The following ARHGAP44 variants were observed in gnomAD, a reference collection of about 807,000 sequenced individuals.
ARHGAP44 encodes Rho GTPase activating protein 44.
In ARHGAP44, 43 loss-of-function variants were observed where a neutral mutation model predicts 106.8. That is an observed-to-expected ratio of 0.40 (90% CI 0.32 to 0.52). ARHGAP44 has a LOEUF of 0.52. ARHGAP44 is among the 20% of genes least tolerant of loss of function. The pLI, the probability that ARHGAP44 is intolerant of heterozygous loss-of-function variation, is 0.48. For missense variants in ARHGAP44, 866 were observed against 1,050.5 expected, an observed-to-expected ratio of 0.82 and a Z score of 2.43; for synonymous variants, 439 against 410.3, an observed-to-expected ratio of 1.07 and a Z score of -0.85.
At chr17:12,940,997 C>G in intron 7 of ARHGAP44, 59 bp from the exon 8 acceptor site, 1 of 1,447,046 alleles carries the variant, frequency 6.9e-7, no homozygotes, top group East Asian at 2.3e-5. Flanking sequence ...TTGACTTATG[C>G]ATTAGCCACT....
rs34745789 is a variant in ARHGAP44 at position 12,932,710 on chromosome 17, CT to C, written c.582+3676del. Among the ~76,000 whole-genome samples the C allele has an allele frequency of 5.6e-3, 801 of 142,848 alleles. 7 individuals are homozygous for C. Among genetic ancestry groups the C allele is most frequent in the African/African-American group, 0.016 (639 of 39,342 alleles). The allele number at this position is 142,848 out of a possible 152,430, so 93.7% of individuals were successfully genotyped here. On this transcript the variant is annotated intron_variant, in intron 7 of 20. Transcript: ENST00000379672. ...ATGTGAGGTAGGGGTTTCTTTCTTTCTTTTTTTTTTTTCCAGATAGATAGTC... is the reference window on the plus strand; with the variant it reads ...ATGTGAGGTAGGGGTTTCTTTCTTTCTTTTTTTTTTTCCAGATAGATAGTC...
intron 1 of ARHGAP44, among the ~76,000 whole-genome samples, chr17:12,807,169 A>G (rs149886975): frequency 6.6e-6 from 1 of 152,340 alleles, no homozygotes; most frequent in African/African-American, 2.4e-5. Flanking sequence ...TATGTGCATT[A>G]ATACACATAA....
intron 1 of ARHGAP44, among the ~76,000 whole-genome samples, chr17:12,812,341 G>A (rs1432389378): frequency 6.6e-6 from 1 of 152,122 alleles, no homozygotes; most frequent in Non-Finnish European, 1.5e-5. Flanking sequence ...GTTGGACTTC[G>A]GAAGGACGCA....
intron 8 of ARHGAP44, among the ~76,000 whole-genome samples, chr17:12,941,988 G>A (rs2038723130): frequency 6.6e-6 from 1 of 152,144 alleles, no homozygotes; most frequent in African/African-American, 2.4e-5. Flanking sequence ...AAGAAATTCT[G>A]CAAAGTTTAA....
chr17:12,828,587 A>G (rs1184814721), intron 1 of ARHGAP44, among the ~76,000 whole-genome samples: 1 of 151,200 alleles, frequency 6.6e-6, no homozygotes. Flanking sequence ...TTAAAAATAT[A>G]AAGTTGGGTT....
chr17:12,897,008 G>A (rs910602852), intron 3 of ARHGAP44, among the ~76,000 whole-genome samples: 9 of 152,136 alleles, frequency 5.9e-5, no homozygotes, highest in Non-Finnish European at 1.5e-5. Flanking sequence ...GCTAAATAAA[G>A]CTTCTCTAAT....
chr17:12,954,067 T>G (rs1196435172), intron 13 of ARHGAP44, among the ~76,000 whole-genome samples: 4 of 151,468 alleles, frequency 2.6e-5, no homozygotes, highest in Admixed American at 6.6e-5. Context: ...TTTGTGTTTT[T>G]TTTTTTTTTT....
chr17:12,952,908 A>T (rs574633452), intron 13 of ARHGAP44, among the ~76,000 whole-genome samples: 32 of 151,916 alleles, frequency 2.1e-4, no homozygotes, highest in Admixed American at 1.7e-3. Context: ...GTGTGGTGGC[A>T]CCACCACAGG....
chr17:12,983,339 T>C (rs2143434967), intron 19 of ARHGAP44, among the ~76,000 whole-genome samples: 1 of 150,098 alleles, frequency 6.7e-6, no homozygotes, highest in South Asian at 2.1e-4. Flanking sequence ...AGGTTAGTGA[T>C]CACTCTCTCA....
At chr17:12,891,940 TGC>T (rs1315257221) in intron 1 of ARHGAP44, among the ~76,000 whole-genome samples, 1 of 151,390 alleles carries the variant, frequency 6.6e-6, no homozygotes, top group Non-Finnish European at 1.5e-5. Context: ...GGATTGCAGG[TGC>T]GCACCACCAC....
chr17:12,931,991 A>G (rs948406747), intron 7 of ARHGAP44, among the ~76,000 whole-genome samples: 1 of 152,114 alleles, frequency 6.6e-6, no homozygotes, highest in Non-Finnish European at 1.5e-5. Flanking sequence ...ACTTATATGT[A>G]TATCCTTATA....
At chr17:12,989,093 A>AC (rs1555569140) in intron 20 of ARHGAP44, among the ~76,000 whole-genome samples, 738 of 52,052 alleles carry the variant, frequency 0.014, 13 homozygotes, top group East Asian at 0.062. Flanking sequence ...GCGAAACTCC[A>AC]CCCCCCCCAA....
At position 12,843,442 on chromosome 17, in the gene ARHGAP44, G is replaced by T. The variant is rs956027788; in HGVS notation, c.54-51498G>T. Among the ~76,000 whole-genome samples the T allele has an allele frequency of 7.2e-5, 11 of 152,084 alleles. No homozygotes were observed. In the East Asian group the frequency reaches 1.4e-3, roughly 19 times the overall value. ...TTTTCCCTTTGTATCTTTAAGCATG[G>T]TTTTAGACAGCTGCCCTAAAATTCT... On this transcript the variant is annotated intron_variant, in intron 1 of 20. Coordinates refer to ENST00000379672, the MANE Select transcript of ARHGAP44 (RefSeq NM_014859.6).
intron 1 of ARHGAP44, among the ~76,000 whole-genome samples, chr17:12,856,044 C>G (rs577740220): frequency 1.3e-5 from 2 of 152,344 alleles, no homozygotes; most frequent in South Asian, 2.1e-4. Flanking sequence ...ATGCTACACC[C>G]TAATGATAGC....
intron 3 of ARHGAP44, among the ~76,000 whole-genome samples, chr17:12,904,821 G>A (rs574915688): frequency 1.3e-5 from 2 of 152,304 alleles, no homozygotes; most frequent in East Asian, 1.9e-4. Context: ...AGGGTCTTTG[G>A]TGAGGGGAAT....
At chr17:12,798,575 A>G (rs1249515171) in intron 1 of ARHGAP44, among the ~76,000 whole-genome samples, 2 of 152,176 alleles carry the variant, frequency 1.3e-5, no homozygotes, top group Non-Finnish European at 2.9e-5. Context: ...TAGATTTTCT[A>G]ATATTGAGCT....
intron 18 of ARHGAP44, among the ~76,000 whole-genome samples, chr17:12,976,368 T>A (rs1267866398): frequency 6.6e-6 from 1 of 151,990 alleles, no homozygotes; most frequent in Non-Finnish European, 1.5e-5. Flanking sequence ...ATCCCAGCAC[T>A]TTGGGAGGCT....
In ARHGAP44 at chr17:12,974,330, G is replaced by C; in HGVS notation, c.1763+20G>C. On this transcript the variant is annotated intron_variant, in intron 18 of 20. Coordinates refer to ENST00000379672, the MANE Select transcript of ARHGAP44 (RefSeq NM_014859.6). ...CACCAGGTAAGCGCGGGCCACTGCC[G>C]TCCGGGCGGGCTGGTGTGCGGTGCA... 1 of 1,387,012 alleles carries C rather than the reference G, an allele frequency of 7.2e-7. No individual in the cohort carries two copies. The highest frequency in any genetic ancestry group is 9.3e-7 in the Non-Finnish European group (1 of 1,077,238). 85.9% of individuals were successfully genotyped at this position (1,387,012 alleles called of 1,614,324 possible). A position where few individuals can be genotyped will look rare whatever the true frequency, so the allele number is the denominator to read the frequency against.
chr17:12,796,830 C>T (rs1201260560), intron 1 of ARHGAP44, among the ~76,000 whole-genome samples: 1 of 149,958 alleles, frequency 6.7e-6, no homozygotes, highest in Admixed American at 6.7e-5. Context: ...TGGTCTCGGT[C>T]TCCTGACCTC....
Sources: allele counts gnomAD v4.1 joint callset (sites outside exome capture counted in the v4.1 genomes callset), GRCh38; gene constraint gnomAD v4.1.1; transcripts MANE v1.5; gene names NCBI Gene and HGNC (gene_info 2026-07-23, HGNC 2026-07-21).